Variants in VIT observed in about 807,000 individuals in gnomAD.
VIT encodes the protein vitrin.
In VIT, 99 loss-of-function variants were observed where a neutral mutation model predicts 78.0. The ratio of observed to expected loss-of-function variants is 1.27; its 90% CI spans 1.08 to 1.50. VIT has a LOEUF of 1.50. Among genes scored for constraint, VIT ranks in the 40% most tolerant of loss-of-function variants. The pLI is 0.00. For missense variants in VIT, 1,126 were observed against 875.3 expected (o/e 1.29, Z -3.61); for synonymous variants, 374 against 334.3 (o/e 1.12, Z -1.29).
At chr2:36,712,950 T>C (rs1431755316) in intron 1 of VIT, among the ~76,000 whole-genome samples, 1 of 152,256 alleles carries the variant, frequency 6.6e-6, no homozygotes, top group African/African-American at 2.4e-5. Flanking sequence ...GAGCGCTCAT[T>C]ACTCACACAT....
At chr2:36,801,484 TA>T in intron 13 of VIT, 80 bp downstream of exon 13, 4 of 1,258,428 alleles carry the variant, frequency 3.2e-6, no homozygotes, top group South Asian at 2.5e-5. Context: ...CCATTCTATA[TA>T]AAAGGAAAAA....
chr2:36,784,992 T>A (rs2058683), intron 11 of VIT, among the ~76,000 whole-genome samples: 15,576 of 152,140 alleles, frequency 0.1, 1,993 homozygotes, highest in African/African-American at 0.29. Context: ...AAGACCTAAC[T>A]ATAAGATGAA....
chr2:36,807,807 G>T (rs1666838317), intron 14 of VIT, among the ~76,000 whole-genome samples: 1 of 152,206 alleles, frequency 6.6e-6, no homozygotes, highest in African/African-American at 2.4e-5. Flanking sequence ...GAGTTGTCTG[G>T]TTCTGAAGGT....
At chr2:36,714,453 G>T (rs963309154) in intron 1 of VIT, among the ~76,000 whole-genome samples, 5 of 151,054 alleles carry the variant, frequency 3.3e-5, no homozygotes. Context: ...TTTATCTCTT[G>T]TTTTTTTTTA....
intron 4 of VIT, among the ~76,000 whole-genome samples, chr2:36,750,214 A>G (rs1668372683): frequency 6.6e-6 from 1 of 152,218 alleles, no homozygotes; most frequent in South Asian, 2.1e-4. Flanking sequence ...TTCATACTAA[A>G]AGGGAAAAGT....
chr2:36,767,341 T>G, intron 7 of VIT, 56 bp downstream of exon 7: 9 of 1,425,418 alleles, frequency 6.3e-6, no homozygotes, highest in Non-Finnish European at 8.3e-6. Flanking sequence ...ATTGGGCTTT[T>G]AGAGTAACAG....
chr2:36,727,203 C>T (rs1666909247), intron 2 of VIT, among the ~76,000 whole-genome samples: 1 of 152,094 alleles, frequency 6.6e-6, no homozygotes, highest in African/African-American at 2.4e-5. Flanking sequence ...TAGCCCCTTT[C>T]TCCGTGCCTT....
intron 3 of VIT, among the ~76,000 whole-genome samples, chr2:36,740,888 G>A (rs1321882554): frequency 6.6e-6 from 1 of 152,150 alleles, no homozygotes; most frequent in East Asian, 1.9e-4. Flanking sequence ...CAACAGGTTT[G>A]ATCATTGTCT....
intron 2 of VIT, among the ~76,000 whole-genome samples, chr2:36,720,633 C>G (rs775587186): frequency 6.6e-6 from 1 of 152,086 alleles, no homozygotes; most frequent in Non-Finnish European, 1.5e-5. Flanking sequence ...TCTACAAAAG[C>G]CAAACTGATG....
chr2:36,776,892 A>G (rs1288554542), intron 9 of VIT, among the ~76,000 whole-genome samples: 2 of 151,644 alleles, frequency 1.3e-5, no homozygotes, highest in South Asian at 2.1e-4. Context: ...GATCGAGACC[A>G]TCCCGGCTAA....
chr2:36,774,886 T>TCGGC (rs778034154), intron 8 of VIT, 116 bp from the exon 9 acceptor site: 43 of 1,513,924 alleles, frequency 2.8e-5, no homozygotes, highest in East Asian at 2.4e-4. Flanking sequence ...CACAGAGAGC[T>TCGGC]CGGCCGACTT....
rs568121518 is a variant in VIT at position 36,711,740 on chromosome 2, A to G, written c.-18-4613A>G. Among the ~76,000 whole-genome samples, 3 of 152,360 alleles carry G rather than the reference A, an allele frequency of 2.0e-5. No homozygotes were observed. The East Asian group carries it at 5.8e-4, about 29-fold the overall frequency. ...AAGTCGCTTTATTTAAAACTCTGTG[A>G]AAAACTATATAAATATAAAGCAATA... On this transcript the variant is annotated intron_variant, in intron 1 of 15. Coordinates refer to ENST00000379242, the MANE Select transcript of VIT (RefSeq NM_053276.4).
Position 36,704,050 on chromosome 2 carries a change from G to A in VIT, c.-19+7077G>A, listed in dbSNP as rs1207934038. On this transcript the variant is annotated intron_variant, in intron 1 of 15. Coordinates refer to ENST00000379242, the MANE Select transcript of VIT (RefSeq NM_053276.4). Reference sequence around the variant, plus strand: ...GACTGATTCTCCTGCCTCAGCCTCAGGAGTAGCTGGGATTACAGGTGCACG... The same window carrying A: ...GACTGATTCTCCTGCCTCAGCCTCAAGAGTAGCTGGGATTACAGGTGCACG... 4.0e-5 allele frequency among the ~76,000 whole-genome samples: 6 copies of A among 151,668 alleles called. No individual in the cohort carries two copies. The South Asian group carries it at 1.0e-3, about 26-fold the overall frequency.
At position 36,728,503 on chromosome 2, in the gene VIT, G is replaced by C. The variant is rs1333350725; in HGVS notation, c.53-923G>C. 3.3e-5 allele frequency among the ~76,000 whole-genome samples: 5 copies of C among 152,096 alleles called. No homozygotes were observed. The South Asian group carries it at 1.0e-3, about 32-fold the overall frequency. ...AGGTGAAAAAGATACAGTAAGCTAA[G>C]ATTAATATTATATTAAAGAAAAAAT... On this transcript the variant is annotated intron_variant, in intron 2 of 15. Transcript: ENST00000379242.
chr2:36,730,267 C>T (rs1667112047), intron 3 of VIT, among the ~76,000 whole-genome samples: 1 of 148,088 alleles, frequency 6.8e-6, no homozygotes, highest in African/African-American at 2.5e-5. Context: ...CAGCCTGGGC[C>T]ACAGAGTGAG....
chr2:36,791,322 T>C (rs1357368858), intron 12 of VIT, among the ~76,000 whole-genome samples: 2 of 152,176 alleles, frequency 1.3e-5, no homozygotes, highest in African/African-American at 4.8e-5. Context: ...GCAGCTTCCA[T>C]AGGTCGGCTG....
intron 1 of VIT, among the ~76,000 whole-genome samples, chr2:36,698,149 T>A (rs1432089494): frequency 6.2e-5 from 1 of 16,188 alleles, no homozygotes; most frequent in East Asian, 0.071. Flanking sequence ...TTGCAAAGAC[T>A]TGCATTTTTT....
At chr2:36,781,887 C>A in intron 10 of VIT, 116 bp downstream of exon 10, 2 of 1,231,790 alleles carry the variant, frequency 1.6e-6, no homozygotes, top group Non-Finnish European at 2.3e-6. Flanking sequence ...CCTAGGATTT[C>A]TAATGGCTCC....
intron 1 of VIT, among the ~76,000 whole-genome samples, chr2:36,702,416 T>TTAA (rs1553358427): frequency 6.6e-6 from 1 of 151,340 alleles, no homozygotes; most frequent in Non-Finnish European, 1.5e-5. Flanking sequence ...TTTTTTTTTT[T>TTAA]AAAAAAGACC....
Sources: gnomAD v4.1 joint callset for allele counts (sites outside exome capture counted in the v4.1 genomes callset) on GRCh38, gnomAD v4.1.1 for gene constraint, MANE v1.5 for transcripts, NCBI Gene and HGNC (gene_info 2026-07-23, HGNC 2026-07-21) for gene names.